POLQ: variants seen among roughly 807,000 people sequenced by gnomAD.
POLQ encodes the protein DNA polymerase theta.
Under a neutral mutation model 259.2 loss-of-function variants are expected in POLQ, and 233 were observed. That is an observed-to-expected ratio of 0.90 (90% confidence interval 0.81 to 1.00). POLQ has a LOEUF of 1.00. Ranked by LOEUF, POLQ falls within the 50% of genes least tolerant of loss-of-function variation. The pLI is 0.00. For synonymous variants in POLQ, 1,025 were observed against 1,048.8 expected (o/e 0.98, Z 0.44); for missense variants, 2,871 against 3,051.6 (o/e 0.94, Z 1.39).
chr3:121,526,416 C>T (rs1216235015), intron 7 of POLQ, among the ~76,000 whole-genome samples: 1 of 152,112 alleles, frequency 6.6e-6, no homozygotes, highest in Non-Finnish European at 1.5e-5. Flanking sequence ...ACTGCATTTG[C>T]ACAAAACAAG....
Position 121,489,894 on chromosome 3 carries a change from T to C in POLQ, c.3037A>G (p.Lys1013Glu), listed in dbSNP as rs1294273213. The change falls in exon 16 of 30, where the codon AAG (lysine) becomes GAG (glutamate). Residue 1013 changes from lysine (K) to glutamate (E), a missense_variant. Lys to Glu is a moderately conservative substitution (Grantham distance 56). This residue lies in a region of POLQ where 2,080 missense variants were observed against 2,126.0 expected (regional missense o/e 0.98). Transcript: ENST00000264233. ...ASQNEGKTSD[K>E]KVVQTFSQKT... ...TGTGAAAAAGTCTGAACAACTTTCT[T>C]ATCACTTGTTTTCCCCTCATTCTGA... 1.2e-6 allele frequency: 2 copies of C among 1,601,070 alleles called. No homozygotes were observed. The highest frequency in any genetic ancestry group is 1.7e-6 in the Non-Finnish European group (2 of 1,176,950).
At chr3:121,498,744 T>A in intron 12 of POLQ, 74 bp from the exon 13 acceptor site, 1 of 1,042,852 alleles carries the variant, frequency 9.6e-7, no homozygotes, top group Non-Finnish European at 1.4e-6. Flanking sequence ...ACCTTCATAT[T>A]AAAGACAAAA....
intron 7 of POLQ, among the ~76,000 whole-genome samples, chr3:121,524,651 C>T (rs904665451): frequency 6.6e-6 from 1 of 151,916 alleles, no homozygotes; most frequent in Admixed American, 6.6e-5. Flanking sequence ...ACTTTATTTA[C>T]GTGGAATTTT....
intron 5 of POLQ, among the ~76,000 whole-genome samples, chr3:121,536,221 T>C (rs1005228846): frequency 3.3e-5 from 5 of 152,136 alleles, no homozygotes; most frequent in African/African-American, 1.2e-4. Flanking sequence ...CTAAGCAAAA[T>C]CATAACATAA....
Position 121,511,972 on chromosome 3 carries a change from TGAA to T in POLQ, c.1523_1525del (p.Leu508del), listed in dbSNP as rs745829769. On this transcript the variant is annotated inframe_deletion, in exon 10 of 30. Coordinates refer to ENST00000264233, the MANE Select transcript of POLQ (RefSeq NM_199420.4). ...GCTGCGAACAGGCTTTAGAGAACCC[TGAA>T]GGAGAGCTATGCCTTTTGATTTCTC... 9 of 1,613,616 alleles carry T rather than the reference TGAA, an allele frequency of 5.6e-6. No homozygotes were observed. The highest frequency in any genetic ancestry group is 5.9e-6 in the Non-Finnish European group (7 of 1,179,510).
chr3:121,496,705 T>A, intron 14 of POLQ, 103 bp downstream of exon 14: 1 of 1,244,678 alleles, frequency 8.0e-7, no homozygotes, highest in Non-Finnish European at 1.1e-6. Flanking sequence ...TTTTAGCACT[T>A]TTAAAGAAGC....
At chr3:121,509,849 G>A in intron 11 of POLQ, 146 bp from the exon 12 acceptor site, 1 of 886,700 alleles carries the variant, frequency 1.1e-6, no homozygotes. Context: ...AAATGTATGA[G>A]CAGGCTCTAT....
At chr3:121,533,623 C>A (rs966228264) in intron 5 of POLQ, among the ~76,000 whole-genome samples, 1 of 152,160 alleles carries the variant, frequency 6.6e-6, no homozygotes, top group Non-Finnish European at 1.5e-5. Context: ...TCAAGTGATT[C>A]TCCTGCCTTA....
intron 24 of POLQ, among the ~76,000 whole-genome samples, chr3:121,465,307 G>A: frequency 6.6e-6 from 1 of 151,984 alleles, no homozygotes; most frequent in East Asian, 1.9e-4. Context: ...GCCCAGGCTG[G>A]TCATGAAGTC....
rs754570384 is a variant in POLQ at position 121,520,092 on chromosome 3, A to G, written c.1256-9T>C. The G allele has an allele frequency of 4.1e-5, 64 of 1,562,448 alleles. No homozygotes were observed. Among genetic ancestry groups the G allele is most frequent in the Non-Finnish European group, 5.2e-5 (59 of 1,135,634 alleles). ...CTCCTCAAAAGTAAGACCTAAAAAA[A>G]GGAGGTTTTTATATATTTATTGATA... On this transcript the variant is annotated splice_polypyrimidine_tract_variant and intron_variant, in intron 8 of 29. Transcript: ENST00000264233.
chr3:121,510,348 C>A lies in POLQ; in HGVS notation c.1612-105G>T, dbSNP rs181129404. On this transcript the variant is annotated intron_variant, in intron 10 of 29. Coordinates refer to ENST00000264233, the MANE Select transcript of POLQ (RefSeq NM_199420.4). ...ATCCCAGCACTTTGGGAGTCCGAGG[C>A]GGGCGGATCACGAGGTCTGGAGATG... The A allele has an allele frequency of 3.3e-4, 237 of 720,396 alleles. No individual in the cohort carries two copies. The East Asian group carries it at 5.6e-3, about 17-fold the overall frequency. 44.6% of individuals were successfully genotyped at this position (720,396 alleles called of 1,614,324 possible). A position where few individuals can be genotyped will look rare whatever the true frequency, so the allele number is the denominator to read the frequency against.
chr3:121,443,003 G>A (rs923113199), intron 26 of POLQ, among the ~76,000 whole-genome samples: 2 of 152,042 alleles, frequency 1.3e-5, no homozygotes, highest in African/African-American at 4.8e-5. Flanking sequence ...GGATACAGGT[G>A]CCCACTACCA....
chr3:121,472,818 T>G (rs188289526), intron 21 of POLQ, among the ~76,000 whole-genome samples: 1 of 152,328 alleles, frequency 6.6e-6, no homozygotes, highest in African/African-American at 2.4e-5. Context: ...ATTTTTCCCC[T>G]GAAACATCTG....
At chr3:121,511,682 G>A (rs965835949) in intron 10 of POLQ, among the ~76,000 whole-genome samples, 1 of 152,130 alleles carries the variant, frequency 6.6e-6, no homozygotes, top group Non-Finnish European at 1.5e-5. Flanking sequence ...GGAGGCTGGG[G>A]CAGGAGAATT....
chr3:121,521,145 T>C (rs1249629403), intron 8 of POLQ, among the ~76,000 whole-genome samples: 2 of 152,172 alleles, frequency 1.3e-5, no homozygotes, highest in Non-Finnish European at 2.9e-5. Context: ...AAGTCAAAAA[T>C]ATAAAGAGGA....
intron 19 of POLQ, 77 bp from the exon 20 acceptor site, chr3:121,476,810 G>C: frequency 1.0e-6 from 1 of 964,814 alleles, no homozygotes; most frequent in Non-Finnish European, 1.5e-6. Context: ...AAACTATACA[G>C]AATTCATCTA....
At chr3:121,479,498 T>A (rs1295703676) in intron 19 of POLQ, among the ~76,000 whole-genome samples, 3 of 152,144 alleles carry the variant, frequency 2.0e-5, no homozygotes, top group Non-Finnish European at 4.4e-5. Context: ...ATCCTCACTC[T>A]ATTGCCCAGA....
Position 121,490,364 on chromosome 3 carries a change from C to T in POLQ, c.2567G>A (p.Arg856His), listed in dbSNP as rs773185649. 4.3e-6 allele frequency: 7 copies of T among 1,614,252 alleles called. No individual in the cohort carries two copies. Among genetic ancestry groups the T allele is most frequent in the Admixed American group, 1.7e-5 (1 of 60,030 alleles). Residue 856 changes from arginine to histidine, a missense_variant, in exon 16 of 30, where the codon CGT becomes CAT. Transcript: ENST00000264233. ...VDEEEEAVEE[R>H]RNMRTIWVTG... Reference sequence around the variant, plus strand: ...CACCCAGATAGTTCGCATATTGCGACGTTCTTCAACTGCTTCCTCTTCCTC... The same window carrying T: ...CACCCAGATAGTTCGCATATTGCGATGTTCTTCAACTGCTTCCTCTTCCTC...
In POLQ at chr3:121,498,544, G is replaced by A. The variant is rs376224643; in HGVS notation, c.2086C>T (p.Arg696Cys). Reference sequence around the variant, plus strand: ...GCTACTACTTTTCCTTTCACACAACGGGCCAAGAACCCCTCTTCAACTCCC... The same window carrying A: ...GCTACTACTTTTCCTTTCACACAACAGGCCAAGAACCCCTCTTCAACTCCC... ...LVGVEEGFLA[R>C]CVKGKVVART... The change falls in exon 13 of 30, where the codon CGT (arginine) becomes TGT (cysteine). Residue 696 changes from arginine to cysteine, a missense_variant. Arg to Cys is a radical substitution (Grantham distance 180, BLOSUM62 -3). Around this residue, in one of 3 missense-constraint regions of POLQ, gnomAD observed 783 missense variants for 906.2 expected, o/e 0.86. Transcript: ENST00000264233. 1.9e-5 allele frequency: 30 copies of A among 1,613,878 alleles called. No individual in the cohort carries two copies. The highest frequency in any genetic ancestry group is 1.3e-4 in the South Asian group (12 of 91,056).
Sources: allele counts gnomAD v4.1 joint callset (sites outside exome capture counted in the v4.1 genomes callset), GRCh38; gene constraint gnomAD v4.1.1; regional missense constraint gnomAD v4.1.1; transcripts MANE v1.5; gene names NCBI Gene and HGNC (gene_info 2026-07-23, HGNC 2026-07-21).